The following CYSLTR1 variants were observed in gnomAD, a reference collection of about 807,000 sequenced individuals.
CYSLTR1 encodes the protein G-protein coupled receptor HG55.
CYSLTR1 carries 1 observed loss-of-function variant against 2.1 expected under a neutral mutation model. The ratio of observed to expected loss-of-function variants is 0.48; its 90% CI spans 0.17 to 2.28. The LOEUF is 2.28. CYSLTR1 is among the 30% of genes most tolerant of loss of function. The pLI is 0.26. For synonymous variants in CYSLTR1, 110 were observed against 89.6 expected (o/e 1.23, Z -1.28); for missense variants, 299 against 250.1 (o/e 1.20, Z -1.32).
chrX:78,326,212 A>G (rs1028619625), intron 1 of CYSLTR1, among the ~76,000 whole-genome samples: 1 of 112,242 alleles, frequency 8.9e-6, no homozygotes, highest in Non-Finnish European at 1.9e-5. Flanking sequence ...TGAGCCATTA[A>G]TAGTAAAACA....
chrX:78,273,651 C>T lies in CYSLTR1; in HGVS notation c.96G>A (p.Met32Ile). ...RNQVYSTLYS[M>I]ISVVGFFGNG... ...TGCCAAAGAAGCCTACAACAGAGAT[C>T]ATAGAGTACAAGGTGGAATACACTT... is the stretch of plus-strand genomic sequence containing the variant. Residue 32 changes from methionine (M) to isoleucine (I), a missense_variant, in exon 3 of 3, where the codon ATG becomes ATA. Transcript: ENST00000373304. 8.3e-7 allele frequency: 1 copy of T among 1,211,524 alleles called. No individual in the cohort carries two copies. The highest frequency in any genetic ancestry group is 1.1e-6 in the Non-Finnish European group (1 of 895,412).
chrX:78,289,474 AC>A (rs1233371729), intron 1 of CYSLTR1, among the ~76,000 whole-genome samples: 1 of 112,185 alleles, frequency 8.9e-6, no homozygotes, highest in Non-Finnish European at 1.9e-5. Flanking sequence ...TTGGGTATAT[AC>A]CCAGTAATGG....
At chrX:78,322,566 G>A (rs1923706596) in intron 1 of CYSLTR1, among the ~76,000 whole-genome samples, 1 of 111,558 alleles carries the variant, frequency 9.0e-6, no homozygotes, top group African/African-American at 3.3e-5. Flanking sequence ...ATCAGGCTAT[G>A]CTAATGATCC....
At chrX:78,286,143 G>T (rs1187619390) in intron 1 of CYSLTR1, among the ~76,000 whole-genome samples, 1 of 111,070 alleles carries the variant, frequency 9.0e-6, no homozygotes, top group Non-Finnish European at 1.9e-5. Flanking sequence ...GTAAATAAGA[G>T]AGCCCAGAGG....
intron 1 of CYSLTR1, among the ~76,000 whole-genome samples, chrX:78,295,129 T>C (rs1397738160): frequency 8.9e-6 from 1 of 112,523 alleles, no homozygotes; most frequent in Admixed American, 9.4e-5. Context: ...AACCAATGTT[T>C]ATCTTTCTGT....
chrX:78,273,089 AT>A lies in CYSLTR1; in HGVS notation c.657del (p.Lys219AsnfsTer3), dbSNP rs35745545. The A allele has an allele frequency of 8.3e-7, 1 of 1,209,065 alleles. No homozygotes were observed. Among genetic ancestry groups the A allele is most frequent in the Non-Finnish European group, 1.1e-6 (1 of 894,025 alleles). On this transcript the variant is annotated frameshift_variant, in exon 3 of 3. Transcript: ENST00000373304. LOFTEE classifies it high-confidence loss of function. The stretch of plus-strand genomic sequence containing the variant: ...TGACTTGACAGATTTTTTTTCATTG[AT>A]TTTTTTAGTAAGGTCAAAATGATCA... ...YTMIILTLLK[K>X]SMKKNLSSHK...
chrX:78,275,279 T>C (rs1334609020), intron 2 of CYSLTR1, among the ~76,000 whole-genome samples: 1 of 111,636 alleles, frequency 9.0e-6, no homozygotes, highest in Non-Finnish European at 1.9e-5. Flanking sequence ...CACATGCACA[T>C]GTATGTTTAT....
At chrX:78,307,004 T>C (rs1032002249) in intron 1 of CYSLTR1, among the ~76,000 whole-genome samples, 1 of 112,023 alleles carries the variant, frequency 8.9e-6, no homozygotes, top group Non-Finnish European at 1.9e-5. Flanking sequence ...GATTAAAACT[T>C]TTAACGTGAC....
At chrX:78,275,327 A>C (rs1241485924) in intron 2 of CYSLTR1, among the ~76,000 whole-genome samples, 44 of 111,875 alleles carry the variant, frequency 3.9e-4, no homozygotes, top group African/African-American at 1.1e-3. Flanking sequence ...TTGGAACCAA[A>C]CCAAATGTCC....
At chrX:78,294,633 T>G (rs1922498933) in intron 1 of CYSLTR1, among the ~76,000 whole-genome samples, 1 of 112,847 alleles carries the variant, frequency 8.9e-6, no homozygotes, top group Admixed American at 9.3e-5. Flanking sequence ...CAGTGGGATC[T>G]GCCCAGTTCG....
chrX:78,316,459 C>T (rs921849981), intron 1 of CYSLTR1, among the ~76,000 whole-genome samples: 2 of 112,023 alleles, frequency 1.8e-5, no homozygotes, highest in East Asian at 2.8e-4. Flanking sequence ...GCTTGCTCAG[C>T]GGGGAAGCTT....
intron 2 of CYSLTR1, among the ~76,000 whole-genome samples, chrX:78,277,405 C>G (rs1921637000): frequency 8.9e-6 from 1 of 111,879 alleles, no homozygotes; most frequent in Non-Finnish European, 1.9e-5. Context: ...TGTAGATAGA[C>G]TGCCACTAGC....
intron 1 of CYSLTR1, among the ~76,000 whole-genome samples, chrX:78,286,560 A>G (rs1322157211): frequency 1.8e-5 from 2 of 109,983 alleles, no homozygotes; most frequent in Non-Finnish European, 3.8e-5. Context: ...GGTTAGTTAC[A>G]TATGTATACA....
At chrX:78,299,621 G>T (rs760711670) in intron 1 of CYSLTR1, among the ~76,000 whole-genome samples, 2 of 110,557 alleles carry the variant, frequency 1.8e-5, no homozygotes, top group Non-Finnish European at 3.8e-5. Flanking sequence ...ACTCTCTCCT[G>T]CCCTGTAAGA....
intron 1 of CYSLTR1, among the ~76,000 whole-genome samples, chrX:78,323,746 A>AT (rs944214821): frequency 9.0e-6 from 1 of 111,469 alleles, no homozygotes; most frequent in Admixed American, 9.5e-5. Context: ...AATGTCTCCT[A>AT]TTTTTTCTTT....
intron 1 of CYSLTR1, among the ~76,000 whole-genome samples, chrX:78,314,917 A>T (rs746529588): frequency 2.8e-5 from 3 of 108,506 alleles, no homozygotes; most frequent in Non-Finnish European, 5.7e-5. Context: ...GAAGCATGTG[A>T]CCTACAGAGA....
chrX:78,272,542 C>A lies in CYSLTR1; in HGVS notation c.*191G>T. On this transcript the variant is annotated 3_prime_UTR_variant, in exon 3 of 3. Coordinates refer to ENST00000373304, the MANE Select transcript of CYSLTR1 (RefSeq NM_006639.4). Reference sequence around the variant, plus strand: ...TATAATTCAGTTCATAGTTGTGGACCGAATTTTTAGCACTTAAAATATCTA... The same window carrying A: ...TATAATTCAGTTCATAGTTGTGGACAGAATTTTTAGCACTTAAAATATCTA... 5.8e-6 allele frequency: 2 copies of A among 346,136 alleles called. No homozygotes were observed. Among genetic ancestry groups the A allele is most frequent in the Non-Finnish European group, 9.5e-6 (2 of 210,661 alleles). 28.5% of individuals were successfully genotyped at this position (346,136 alleles called of 1,213,427 possible).
chrX:78,285,227 T>C (rs1297313175), intron 1 of CYSLTR1, among the ~76,000 whole-genome samples: 1 of 109,767 alleles, frequency 9.1e-6, no homozygotes, highest in Non-Finnish European at 1.9e-5. Flanking sequence ...GGTCAGGAGA[T>C]AGGAACCACG....
At chrX:78,281,980 G>A (rs1041995006) in intron 2 of CYSLTR1, among the ~76,000 whole-genome samples, 3 of 111,782 alleles carry the variant, frequency 2.7e-5, no homozygotes, top group Non-Finnish European at 3.8e-5. Context: ...CTACAGTCTG[G>A]GTGCAATTTA....
Sources: allele counts gnomAD v4.1 joint callset (sites outside exome capture counted in the v4.1 genomes callset), GRCh38; gene constraint gnomAD v4.1.1; transcripts MANE v1.5; gene names NCBI Gene and HGNC (gene_info 2026-07-23, HGNC 2026-07-21).